The following PPP3CC variants were observed in gnomAD, a reference collection of about 807,000 sequenced individuals.
PPP3CC encodes serine/threonine-protein phosphatase 2B catalytic subunit gamma isoform.
In PPP3CC, 35 loss-of-function variants were observed where a neutral mutation model predicts 60.3. That is an observed-to-expected ratio of 0.58 (90% CI 0.44 to 0.77). The LOEUF (loss-of-function observed/expected upper bound fraction) is 0.77. PPP3CC is among the 30% of genes least tolerant of loss of function. The pLI is 0.00. For missense variants in PPP3CC, 570 were observed against 628.9 expected, an observed-to-expected ratio of 0.91 and a Z score of 1.00; for synonymous variants, 206 against 224.3, an observed-to-expected ratio of 0.92 and a Z score of 0.73.
intron 4 of PPP3CC, among the ~76,000 whole-genome samples, chr8:22,509,342 A>G (rs1356039329): frequency 6.6e-6 from 1 of 152,182 alleles, no homozygotes; most frequent in Admixed American, 6.5e-5. Flanking sequence ...TACCAACTAG[A>G]TAGTCTGACT....
intron 3 of PPP3CC, among the ~76,000 whole-genome samples, chr8:22,493,617 A>G (rs1838473891): frequency 6.6e-6 from 1 of 152,134 alleles, no homozygotes; most frequent in African/African-American, 2.4e-5. Flanking sequence ...CTAGGCCTAC[A>G]GAGGGTCAGG....
chr8:22,453,052 A>G (rs1461905203), intron 1 of PPP3CC, among the ~76,000 whole-genome samples: 1 of 152,226 alleles, frequency 6.6e-6, no homozygotes, highest in East Asian at 1.9e-4. Flanking sequence ...AGTGTAAGAA[A>G]GAGTACAGAC....
At chr8:22,499,429 G>A (rs1040221609) in intron 4 of PPP3CC, among the ~76,000 whole-genome samples, 5 of 148,028 alleles carry the variant, frequency 3.4e-5, no homozygotes, top group Admixed American at 2.7e-4. Flanking sequence ...CTGGGCAACA[G>A]AGCAAGACTC....
intron 13 of PPP3CC, among the ~76,000 whole-genome samples, chr8:22,540,209 G>A (rs1007127279): frequency 3.3e-5 from 5 of 152,212 alleles, no homozygotes; most frequent in Admixed American, 1.3e-4. Context: ...GCCTTTGTGC[G>A]AAAAGCAACT....
chr8:22,449,473 G>T (rs1270238454), intron 1 of PPP3CC, among the ~76,000 whole-genome samples: 1 of 127,300 alleles, frequency 7.9e-6, no homozygotes, highest in Non-Finnish European at 1.7e-5. Flanking sequence ...AAAAAAAAAA[G>T]GAAATGCCTC....
At chr8:22,477,040 C>T (rs1226147334) in intron 3 of PPP3CC, among the ~76,000 whole-genome samples, 1 of 152,068 alleles carries the variant, frequency 6.6e-6, no homozygotes, top group African/African-American at 2.4e-5. Context: ...TAGTAAAGCC[C>T]ATTTTTCCTT....
intron 4 of PPP3CC, among the ~76,000 whole-genome samples, chr8:22,503,344 A>G (rs1046834440): frequency 2.9e-4 from 44 of 152,200 alleles, no homozygotes; most frequent in African/African-American, 1.1e-3. Flanking sequence ...ACCTGGGAAA[A>G]TTAAATAATG....
chr8:22,521,348 G>C (rs1242179633), intron 6 of PPP3CC, among the ~76,000 whole-genome samples: 1 of 152,214 alleles, frequency 6.6e-6, no homozygotes, highest in Non-Finnish European at 1.5e-5. Context: ...GGCATCAACA[G>C]ACATGGTTCC....
intron 1 of PPP3CC, among the ~76,000 whole-genome samples, chr8:22,465,202 C>T (rs1001755469): frequency 5.9e-5 from 9 of 152,104 alleles, no homozygotes; most frequent in Admixed American, 2.6e-4. Context: ...CTCAAGCATT[C>T]TGCCTGGCTC....
intron 6 of PPP3CC, among the ~76,000 whole-genome samples, chr8:22,516,144 T>G (rs891219486): frequency 3.3e-5 from 5 of 152,032 alleles, no homozygotes; most frequent in African/African-American, 1.2e-4. Flanking sequence ...TTGGCTGTTT[T>G]GCCCAGGCTG....
intron 12 of PPP3CC, among the ~76,000 whole-genome samples, chr8:22,533,846 T>C (rs1839782761): frequency 6.6e-6 from 1 of 150,654 alleles, no homozygotes; most frequent in African/African-American, 2.4e-5. Flanking sequence ...AAGTGACCAA[T>C]AAACATATGA....
intron 6 of PPP3CC, among the ~76,000 whole-genome samples, chr8:22,520,532 A>T (rs1263732563): frequency 2.0e-5 from 3 of 151,988 alleles, no homozygotes; most frequent in South Asian, 2.1e-4. Flanking sequence ...CTCTAATGCT[A>T]TCATTTCAAA....
intron 3 of PPP3CC, among the ~76,000 whole-genome samples, chr8:22,494,980 C>T (rs992675235): frequency 6.6e-6 from 1 of 152,192 alleles, no homozygotes; most frequent in Non-Finnish European, 1.5e-5. Flanking sequence ...CTCACTCCGT[C>T]ACCCAGGTTG....
intron 6 of PPP3CC, among the ~76,000 whole-genome samples, chr8:22,519,223 G>A (rs1438941129): frequency 6.6e-6 from 1 of 152,092 alleles, no homozygotes; most frequent in Non-Finnish European, 1.5e-5. Context: ...TTACTTACTT[G>A]CATGGAATAC....
chr8:22,531,988 C>T (rs1416650603), intron 10 of PPP3CC, among the ~76,000 whole-genome samples: 1 of 152,160 alleles, frequency 6.6e-6, no homozygotes, highest in African/African-American at 2.4e-5. Context: ...ATAGATCCAC[C>T]CAGTCTGTCT....
chr8:22,494,049 A>G (rs1242693890), intron 3 of PPP3CC, among the ~76,000 whole-genome samples: 1 of 152,080 alleles, frequency 6.6e-6, no homozygotes, highest in Non-Finnish European at 1.5e-5. Context: ...TTATGGGACC[A>G]TTGTCCTGTA....
intron 3 of PPP3CC, among the ~76,000 whole-genome samples, chr8:22,496,485 C>CTTTTTTTTTTTATTT (rs1838586536): frequency 2.3e-5 from 1 of 43,564 alleles, no homozygotes; most frequent in Non-Finnish European, 4.2e-5. Context: ...GAACTGTAAT[C>CTTTTTTTTTTTATTT]TTTTTTTTTT....
intron 10 of PPP3CC, among the ~76,000 whole-genome samples, chr8:22,529,104 G>A (rs1325244507): frequency 6.6e-6 from 1 of 152,200 alleles, no homozygotes; most frequent in African/African-American, 2.4e-5. Context: ...ATTTGCTAGT[G>A]TAGGGAGGAA....
intron 4 of PPP3CC, among the ~76,000 whole-genome samples, chr8:22,501,976 A>G (rs1329678710): frequency 6.6e-6 from 1 of 152,206 alleles, no homozygotes; most frequent in Non-Finnish European, 1.5e-5. Flanking sequence ...ACAGTGGGCT[A>G]TGATTGTGCC....
Sources: allele counts gnomAD v4.1 joint callset (sites outside exome capture counted in the v4.1 genomes callset), GRCh38; gene constraint gnomAD v4.1.1; transcripts MANE v1.5; gene names NCBI Gene and HGNC (gene_info 2026-07-23, HGNC 2026-07-21).